Variants in OTUD7A observed in about 807,000 individuals in gnomAD.
OTUD7A encodes OTU deubiquitinase 7A.
OTUD7A carries 12 observed loss-of-function variants against 65.7 expected under a neutral mutation model. The ratio of observed to expected loss-of-function variants is 0.18; its 90% CI spans 0.12 to 0.30. The LOEUF is 0.30. Among genes scored for constraint, OTUD7A ranks in the 10% least tolerant of loss-of-function variants. The pLI is 1.00. For synonymous variants in OTUD7A, 641 were observed against 586.3 expected, an observed-to-expected ratio of 1.09 and a Z score of -1.35; for missense variants, 1,148 against 1,304.8, an observed-to-expected ratio of 0.88 and a Z score of 1.85.
chr15:31,743,831 C>T (rs1319373830), intron 1 of OTUD7A, among the ~76,000 whole-genome samples: 2 of 151,858 alleles, frequency 1.3e-5, no homozygotes, highest in Middle Eastern at 3.4e-3. Flanking sequence ...TAAACAAACA[C>T]CTAGCAAGAC....
intron 1 of OTUD7A, among the ~76,000 whole-genome samples, chr15:31,831,940 C>G (rs185903078): frequency 1.3e-5 from 2 of 152,344 alleles, no homozygotes; most frequent in Admixed American, 1.3e-4. Flanking sequence ...ATGGAGAAAT[C>G]AGACAGGTTG....
At chr15:31,592,220 A>C (rs1889747498) in intron 3 of OTUD7A, among the ~76,000 whole-genome samples, 1 of 152,094 alleles carries the variant, frequency 6.6e-6, no homozygotes, top group African/African-American at 2.4e-5. Flanking sequence ...TTTCTTTCTC[A>C]ACAATACATT....
intron 1 of OTUD7A, among the ~76,000 whole-genome samples, chr15:31,820,115 T>C (rs1896643350): frequency 6.6e-6 from 1 of 152,170 alleles, no homozygotes; most frequent in South Asian, 2.1e-4. Context: ...TAATACTTCA[T>C]ATCACAGGAA....
chr15:31,779,957 T>G (rs1895493617), intron 1 of OTUD7A, among the ~76,000 whole-genome samples: 1 of 152,054 alleles, frequency 6.6e-6, no homozygotes, highest in Non-Finnish European at 1.5e-5. Context: ...GTCTTCTCAG[T>G]GCACCCCAGA....
chr15:31,765,417 A>AT (rs35682954), intron 1 of OTUD7A, among the ~76,000 whole-genome samples: 42,545 of 151,944 alleles, frequency 0.28, 6,138 homozygotes, highest in Admixed American at 0.32. Flanking sequence ...GTGCAGATAA[A>AT]TTTTTTTTAA....
intron 1 of OTUD7A, among the ~76,000 whole-genome samples, chr15:31,760,472 A>C (rs1310175657): frequency 6.6e-6 from 1 of 152,212 alleles, no homozygotes; most frequent in Non-Finnish European, 1.5e-5. Flanking sequence ...TCATTTTATA[A>C]AGATACTTTC....
chr15:31,739,283 C>T (rs542280551), intron 1 of OTUD7A, among the ~76,000 whole-genome samples: 12 of 152,146 alleles, frequency 7.9e-5, no homozygotes, highest in South Asian at 6.2e-4. Flanking sequence ...GTCTACTAGT[C>T]GCCTGATGTC....
intron 1 of OTUD7A, among the ~76,000 whole-genome samples, chr15:31,835,948 T>C (rs1860545251): frequency 2.7e-5 from 1 of 37,252 alleles, no homozygotes; most frequent in Non-Finnish European, 8.1e-5. Context: ...TCTGAAAATC[T>C]GAAATCCAAA....
chr15:31,569,276 A>G (rs947595505), intron 4 of OTUD7A, among the ~76,000 whole-genome samples: 5 of 152,246 alleles, frequency 3.3e-5, no homozygotes, highest in Non-Finnish European at 5.9e-5. Flanking sequence ...GCAATTAACA[A>G]ATAATAACAA....
chr15:31,812,298 C>T (rs771072203), intron 1 of OTUD7A, among the ~76,000 whole-genome samples: 5 of 152,352 alleles, frequency 3.3e-5, no homozygotes, highest in Admixed American at 6.5e-5. Context: ...ACCACACAGA[C>T]GTGCAGGAAT....
At chr15:31,594,911 C>A (rs1889857957) in intron 3 of OTUD7A, among the ~76,000 whole-genome samples, 2 of 152,194 alleles carry the variant, frequency 1.3e-5, no homozygotes, top group Admixed American at 1.3e-4. Context: ...AGACTGCATC[C>A]CTCAGTGACC....
chr15:31,738,885 A>T (rs1894263895), intron 1 of OTUD7A, among the ~76,000 whole-genome samples: 1 of 152,246 alleles, frequency 6.6e-6, no homozygotes, highest in Non-Finnish European at 1.5e-5. Context: ...CCTATTAAGT[A>T]TCCTTAAAGC....
intron 1 of OTUD7A, among the ~76,000 whole-genome samples, chr15:31,819,732 CAT>C (rs1030234620): frequency 6.6e-6 from 1 of 151,602 alleles, no homozygotes; most frequent in African/African-American, 2.4e-5. Flanking sequence ...ATACAGGTAA[CAT>C]AAACTAAATA....
chr15:31,829,789 G>T (rs888827449), intron 1 of OTUD7A, among the ~76,000 whole-genome samples: 1 of 152,216 alleles, frequency 6.6e-6, no homozygotes. Flanking sequence ...GACTCACAGA[G>T]AAGGAAAAGG....
At chr15:31,661,904 T>C (rs1020964923) in intron 1 of OTUD7A, among the ~76,000 whole-genome samples, 105 of 152,188 alleles carry the variant, frequency 6.9e-4, no homozygotes, top group African/African-American at 2.4e-3. Context: ...TCCCTCTGTT[T>C]GTTGAAAAAT....
chr15:31,725,099 A>G (rs959435489), intron 1 of OTUD7A, among the ~76,000 whole-genome samples: 1 of 152,148 alleles, frequency 6.6e-6, no homozygotes, highest in Non-Finnish European at 1.5e-5. Context: ...AGCCCCCCAC[A>G]TGACTACAGG....
At chr15:31,850,046 C>T (rs776737987) in intron 1 of OTUD7A, among the ~76,000 whole-genome samples, 1 of 152,130 alleles carries the variant, frequency 6.6e-6, no homozygotes, top group Non-Finnish European at 1.5e-5. Context: ...TTCAACCCAG[C>T]GATCCCATTA....
intron 1 of OTUD7A, among the ~76,000 whole-genome samples, chr15:31,770,126 T>C (rs1353039994): frequency 6.6e-6 from 1 of 151,598 alleles, no homozygotes; most frequent in Non-Finnish European, 1.5e-5. Flanking sequence ...AAATAAAATA[T>C]CAAATGGTGG....
At chr15:31,832,815 GA>G (rs1896968075) in intron 1 of OTUD7A, among the ~76,000 whole-genome samples, 1 of 152,164 alleles carries the variant, frequency 6.6e-6, no homozygotes, top group African/African-American at 2.4e-5. Flanking sequence ...TCCATTGTAT[GA>G]ATATGCCAGA....
Sources: allele counts gnomAD v4.1 joint callset (sites outside exome capture counted in the v4.1 genomes callset), GRCh38; gene constraint gnomAD v4.1.1; transcripts MANE v1.5; gene names NCBI Gene and HGNC (gene_info 2026-07-23, HGNC 2026-07-21).